Variants in CRB1 observed in about 807,000 individuals in gnomAD.
CRB1 encodes protein crumbs homolog 1.
A neutral mutation model predicts 120.0 loss-of-function variants in CRB1; 83 were observed. The observed-to-expected ratio is 0.69, with a 90% confidence interval of 0.58 to 0.83. The LOEUF (loss-of-function observed/expected upper bound fraction) is 0.83. Among genes scored for constraint, CRB1 ranks in the 40% least tolerant of loss-of-function variants. The probability of loss-of-function intolerance (pLI) is 0.00; values close to 1 mark genes in which losing one functional copy is unlikely to be tolerated. For synonymous variants in CRB1, 625 were observed against 612.5 expected, an observed-to-expected ratio of 1.02 and a Z score of -0.30; for missense variants, 1,699 against 1,687.6, an observed-to-expected ratio of 1.01 and a Z score of -0.12.
At chr1:197,462,533 C>T (rs1361249444) in intron 11 of CRB1, among the ~76,000 whole-genome samples, 2 of 152,112 alleles carry the variant, frequency 1.3e-5, no homozygotes, top group Non-Finnish European at 2.9e-5. Context: ...CTGAAATACT[C>T]CCTTTGGTCC....
At chr1:197,316,718 C>G (rs971569717) in intron 1 of CRB1, among the ~76,000 whole-genome samples, 2 of 152,232 alleles carry the variant, frequency 1.3e-5, no homozygotes, top group Middle Eastern at 6.8e-3. Context: ...CAAACTCTCT[C>G]TGTTTAGAGA....
chr1:197,321,677 A>G (rs1658204118), intron 1 of CRB1, among the ~76,000 whole-genome samples: 1 of 152,200 alleles, frequency 6.6e-6, no homozygotes, highest in Admixed American at 6.5e-5. Context: ...TTTGTTTGCT[A>G]ATTGTAAGGA....
chr1:197,427,604 A>G lies in CRB1; in HGVS notation c.2279A>G (p.Tyr760Cys), dbSNP rs754955488. The G allele has an allele frequency of 1.9e-6, 3 of 1,613,966 alleles. No homozygotes were observed. In the East Asian group the frequency reaches 6.7e-5, roughly 36 times the overall value. ...GLLLALENST[Y>C]QYIRVWLERG... ...CTTCTAGCTTTGGAAAACAGCACTT[A>G]TCAATATATCCGTGTCTGGCTAGAG... is the stretch of plus-strand genomic sequence containing the variant. Residue 760 changes from tyrosine (Y) to cysteine (C), a missense_variant, in exon 7 of 12, where the codon TAT becomes TGT. Physicochemically the swap from Tyr to Cys is radical, Grantham distance 194 (BLOSUM62 -2). Transcript: ENST00000367400.
intron 3 of CRB1, among the ~76,000 whole-genome samples, chr1:197,345,671 C>G (rs1012848717): frequency 1.1e-4 from 16 of 151,604 alleles, no homozygotes; most frequent in African/African-American, 3.9e-4. Flanking sequence ...CCATGCCTGG[C>G]TAATTTTGCT....
At chr1:197,373,049 G>T (rs895702862) in intron 5 of CRB1, among the ~76,000 whole-genome samples, 1 of 152,118 alleles carries the variant, frequency 6.6e-6, no homozygotes, top group Non-Finnish European at 1.5e-5. Flanking sequence ...AAAGTGATCT[G>T]TGCTCGGGTG....
intron 11 of CRB1, among the ~76,000 whole-genome samples, chr1:197,474,114 A>G (rs1667102820): frequency 6.6e-6 from 1 of 152,218 alleles, no homozygotes; most frequent in Non-Finnish European, 1.5e-5. Context: ...ATTAGGGAAA[A>G]TGATAAATGG....
At chr1:197,471,331 C>T (rs954985341) in intron 11 of CRB1, among the ~76,000 whole-genome samples, 2 of 152,180 alleles carry the variant, frequency 1.3e-5, no homozygotes, top group African/African-American at 4.8e-5. Flanking sequence ...ACCCTGCTAA[C>T]TGCAGTCTTA....
chr1:197,222,154 C>T, the CRB1 span: 5 of 390,552 alleles, frequency 1.3e-5, no homozygotes, highest in African/African-American at 1.0e-4. Flanking sequence ...CCAGTCACAC[C>T]GCAGTGCTTG....
At chr1:197,404,166 A>C (rs1663209757) in intron 5 of CRB1, among the ~76,000 whole-genome samples, 1 of 152,204 alleles carries the variant, frequency 6.6e-6, no homozygotes, top group Non-Finnish European at 1.5e-5. Flanking sequence ...GACAAGGAAA[A>C]TAGTATTCAG....
chr1:197,403,747 T>A (rs912046681), intron 5 of CRB1, among the ~76,000 whole-genome samples: 1 of 152,122 alleles, frequency 6.6e-6, no homozygotes, highest in Admixed American at 6.5e-5. Flanking sequence ...AACTACAATC[T>A]GATGTTGAAA....
In CRB1 at chr1:197,421,409, C is replaced by A. The variant is rs1333506984; in HGVS notation, c.1581C>A (p.Ser527Arg). The change falls in exon 6 of 12, where the codon AGC becomes AGA. Residue 527 changes from serine (S) to arginine (R), a missense_variant. Transcript: ENST00000367400. ...VQPMALLLFR[S>R]NRDVFVKLEL... ...CAATGGCTCTTCTACTTTTCCGAAG[C>A]AACAGGGATGTGTTTGTGAAGCTGG... 6.2e-7 allele frequency: 1 copy of A among 1,614,202 alleles called. No individual in the cohort carries two copies. Among genetic ancestry groups the A allele is most frequent in the Non-Finnish European group, 8.5e-7 (1 of 1,180,036 alleles).
intron 1 of CRB1, among the ~76,000 whole-genome samples, chr1:197,314,101 A>G (rs1452820011): frequency 1.3e-5 from 2 of 152,206 alleles, no homozygotes; most frequent in Admixed American, 6.5e-5. Context: ...TTATTAATTC[A>G]GAATATTTTT....
At chr1:197,338,258 G>A (rs553563623) in intron 2 of CRB1, among the ~76,000 whole-genome samples, 13 of 152,074 alleles carry the variant, frequency 8.5e-5, no homozygotes, top group African/African-American at 2.4e-4. Flanking sequence ...AAAGTCATTC[G>A]TTTAACTTGG....
At chr1:197,367,411 T>C (rs576717282) in intron 5 of CRB1, among the ~76,000 whole-genome samples, 1 of 152,354 alleles carries the variant, frequency 6.6e-6, no homozygotes, top group East Asian at 1.9e-4. Flanking sequence ...TTGTGCTGTT[T>C]ATGCCAGATA....
intron 11 of CRB1, among the ~76,000 whole-genome samples, chr1:197,465,272 A>G (rs1666704115): frequency 6.6e-6 from 1 of 152,206 alleles, no homozygotes; most frequent in Admixed American, 6.5e-5. Flanking sequence ...GTCCCCTCCA[A>G]GAATAAATGC....
chr1:197,383,716 G>A (rs967655805), intron 5 of CRB1, among the ~76,000 whole-genome samples: 2 of 152,108 alleles, frequency 1.3e-5, no homozygotes, highest in East Asian at 3.9e-4. Context: ...CTCCATGCCA[G>A]TGTTTCCTGA....
the CRB1 span, among the ~76,000 whole-genome samples, chr1:197,252,369 C>T: frequency 6.7e-6 from 1 of 150,374 alleles, no homozygotes; most frequent in Non-Finnish European, 1.5e-5. Context: ...AACCACAGTG[C>T]ATTCTCTATT....
chr1:197,400,431 A>C (rs776066559), intron 5 of CRB1, among the ~76,000 whole-genome samples: 1 of 149,942 alleles, frequency 6.7e-6, no homozygotes, highest in South Asian at 2.1e-4. Flanking sequence ...CAATCCTCCC[A>C]TCTTGGCCTC....
At chr1:197,324,392 C>T (rs2125296401) in intron 1 of CRB1, among the ~76,000 whole-genome samples, 1 of 152,228 alleles carries the variant, frequency 6.6e-6, no homozygotes, top group African/African-American at 2.4e-5. Context: ...GATATATGTA[C>T]TTTGGACCCT....
Sources: gnomAD v4.1 joint callset for allele counts (sites outside exome capture counted in the v4.1 genomes callset) on GRCh38, gnomAD v4.1.1 for gene constraint, MANE v1.5 for transcripts, NCBI Gene and HGNC (gene_info 2026-07-23, HGNC 2026-07-21) for gene names.